NFKB1: variants seen among roughly 807,000 people sequenced by gnomAD.
NFKB1 encodes the protein nuclear factor kappa B subunit 1.
A neutral mutation model predicts 105.1 loss-of-function variants in NFKB1; 9 were observed. That is an observed-to-expected ratio of 0.09 (90% CI 0.05 to 0.15). NFKB1 has a LOEUF of 0.15. Ranked by LOEUF, NFKB1 falls within the 10% of genes least tolerant of loss-of-function variation. The probability of loss-of-function intolerance (pLI) is 1.00; values close to 1 mark genes in which losing one functional copy is unlikely to be tolerated. For synonymous variants in NFKB1, 440 were observed against 442.2 expected (o/e 1.00, Z 0.06); for missense variants, 830 against 1,203.7 (o/e 0.69, Z 4.59).
At chr4:102,531,171 C>T (rs984600383) in intron 3 of NFKB1, among the ~76,000 whole-genome samples, 3 of 152,254 alleles carry the variant, frequency 2.0e-5, no homozygotes, top group South Asian at 4.1e-4. Flanking sequence ...CTGAGGCAGA[C>T]GTTTTCTTAA....
rs535351705 is a variant in NFKB1 at position 102,543,836 on chromosome 4, CAG to C, written c.258+5881_258+5882del. Reference sequence around the variant, plus strand: ...AACCTGACTCAATTACTTAAAACAACAGGGGAGAAAATCACCAATAATCAGCT... The same window carrying C: ...AACCTGACTCAATTACTTAAAACAACGGGAGAAAATCACCAATAATCAGCT... On this transcript the variant is annotated intron_variant, in intron 5 of 23. Transcript: ENST00000226574. 2.4e-4 allele frequency among the ~76,000 whole-genome samples: 36 copies of C among 152,192 alleles called. 1 individual carries two copies. In the South Asian group the frequency reaches 6.8e-3, roughly 29 times the overall value.
intron 16 of NFKB1, among the ~76,000 whole-genome samples, chr4:102,604,692 C>T (rs1014431787): frequency 2.0e-5 from 3 of 151,582 alleles, no homozygotes; most frequent in Non-Finnish European, 2.9e-5. Context: ...TAGTAGTAGA[C>T]ATTTAACCAA....
chr4:102,573,388 T>G (rs1724549980), intron 6 of NFKB1, among the ~76,000 whole-genome samples: 1 of 152,248 alleles, frequency 6.6e-6, no homozygotes, highest in Non-Finnish European at 1.5e-5. Flanking sequence ...CTGATTTGCC[T>G]TGTTTCCAAG....
At chr4:102,563,900 C>A (rs975268239) in intron 5 of NFKB1, among the ~76,000 whole-genome samples, 1 of 149,740 alleles carries the variant, frequency 6.7e-6, no homozygotes, top group African/African-American at 2.5e-5. Flanking sequence ...TGGCTCACTG[C>A]AACCTCCACC....
chr4:102,562,206 C>G lies in NFKB1; in HGVS notation c.259-4781C>G, dbSNP rs150591922. ...CTAAACCCTTTGGCCTCACCCACCC[C>G]CTTGCCTGGTTATACTCCTAGCCTT... On this transcript the variant is annotated intron_variant, in intron 5 of 23. Transcript: ENST00000226574. 6.0e-3 allele frequency among the ~76,000 whole-genome samples: 908 copies of G among 152,236 alleles called. 9 individuals carry two copies. The highest frequency in any genetic ancestry group is 0.021 in the African/African-American group (883 of 41,538).
intron 7 of NFKB1, 109 bp downstream of exon 7, chr4:102,577,148 C>A: frequency 8.7e-7 from 1 of 1,144,522 alleles, no homozygotes; most frequent in Non-Finnish European, 1.2e-6. Flanking sequence ...CCCCACACTG[C>A]TGTCACCTTT....
At chr4:102,597,824 T>C (rs1207248219) in intron 15 of NFKB1, among the ~76,000 whole-genome samples, 163 bp downstream of exon 15, 1 of 152,196 alleles carries the variant, frequency 6.6e-6, no homozygotes, top group Non-Finnish European at 1.5e-5. Context: ...AGTAGCACAA[T>C]TTGCTGCTCC....
At chr4:102,545,978 C>T (rs1722109416) in intron 5 of NFKB1, among the ~76,000 whole-genome samples, 1 of 152,106 alleles carries the variant, frequency 6.6e-6, no homozygotes, top group Admixed American at 6.6e-5. Flanking sequence ...CTCAGCTGGG[C>T]ATAGTGGCTC....
intron 20 of NFKB1, 34 bp downstream of exon 20, chr4:102,610,733 C>G (rs931609644): frequency 6.2e-7 from 1 of 1,609,998 alleles, no homozygotes; most frequent in African/African-American, 1.3e-5. Flanking sequence ...ATGGCTGCCC[C>G]TGAGGGAGTC....
chr4:102,552,795 A>T (rs1722715346), intron 5 of NFKB1, among the ~76,000 whole-genome samples: 1 of 152,178 alleles, frequency 6.6e-6, no homozygotes, highest in Non-Finnish European at 1.5e-5. Flanking sequence ...GGTTTAAAGT[A>T]CTACCATTTT....
chr4:102,551,705 A>T (rs1262708966), intron 5 of NFKB1, among the ~76,000 whole-genome samples: 3 of 152,112 alleles, frequency 2.0e-5, no homozygotes, highest in Non-Finnish European at 4.4e-5. Context: ...ATTTCTAGTG[A>T]TAGGTTCCAG....
chr4:102,616,336 C>A, intron 23 of NFKB1, 98 bp from the exon 24 acceptor site: 1 of 1,350,450 alleles, frequency 7.4e-7, no homozygotes, highest in Non-Finnish European at 1.0e-6. Context: ...GGATGTGTGG[C>A]TGGCAGAAGC....
chr4:102,511,018 T>G, intron 1 of NFKB1: 2 of 1,071,566 alleles, frequency 1.9e-6, no homozygotes, highest in Non-Finnish European at 2.5e-6. Context: ...TGAGGAGGGG[T>G]GGAGTAGGGG....
chr4:102,569,162 T>A (rs1724112680), intron 6 of NFKB1, among the ~76,000 whole-genome samples: 1 of 152,176 alleles, frequency 6.6e-6, no homozygotes, highest in South Asian at 2.1e-4. Flanking sequence ...TATACATTTT[T>A]AAGATTTTCA....
intron 6 of NFKB1, among the ~76,000 whole-genome samples, chr4:102,573,582 T>C (rs1460638287): frequency 6.6e-6 from 1 of 152,150 alleles, no homozygotes; most frequent in Non-Finnish European, 1.5e-5. Flanking sequence ...GGTTTATATA[T>C]TTAGTACGTT....
chr4:102,556,240 G>A lies in NFKB1; in HGVS notation c.259-10747G>A, dbSNP rs544358195. Among the ~76,000 whole-genome samples the A allele has an allele frequency of 4.6e-4, 70 of 152,202 alleles. No individual in the cohort carries two copies. In the South Asian group the frequency reaches 0.013, roughly 28 times the overall value. Reference sequence around the variant, plus strand: ...AGTTTTGGGCACATTGAGCTGTAACGGTATTATGGACAGGAAGATACCCTA... The same window carrying A: ...AGTTTTGGGCACATTGAGCTGTAACAGTATTATGGACAGGAAGATACCCTA... On this transcript the variant is annotated intron_variant, in intron 5 of 23. Coordinates refer to ENST00000226574, the MANE Select transcript of NFKB1 (RefSeq NM_003998.4).
intron 16 of NFKB1, among the ~76,000 whole-genome samples, chr4:102,601,574 A>C (rs1727147087): frequency 6.6e-6 from 1 of 152,192 alleles, no homozygotes; most frequent in Non-Finnish European, 1.5e-5. Flanking sequence ...CTTAGGAATT[A>C]ATTAGGTGGG....
intron 5 of NFKB1, 147 bp downstream of exon 5, chr4:102,538,103 T>C (rs1741759908): frequency 2.2e-6 from 1 of 458,068 alleles, no homozygotes; most frequent in African/African-American, 2.0e-5. Flanking sequence ...AAATAGAAAT[T>C]TGTCTCCTAG....
At chr4:102,560,232 A>G (rs1401076151) in intron 5 of NFKB1, among the ~76,000 whole-genome samples, 3 of 152,186 alleles carry the variant, frequency 2.0e-5, no homozygotes, top group African/African-American at 4.8e-5. Context: ...GGAATTAGCA[A>G]TAGTGTGTTA....
Sources: allele counts gnomAD v4.1 joint callset (sites outside exome capture counted in the v4.1 genomes callset), GRCh38; gene constraint gnomAD v4.1.1; transcripts MANE v1.5; gene names NCBI Gene and HGNC (gene_info 2026-07-23, HGNC 2026-07-21).